The following CNRIP1 variants were observed in gnomAD, a reference collection of about 807,000 sequenced individuals.
CNRIP1 encodes the protein cannabinoid receptor interacting protein 1.
CNRIP1 carries 10 observed loss-of-function variants against 15.2 expected under a neutral mutation model. The observed-to-expected ratio is 0.66, with a 90% CI of 0.41 to 1.12. CNRIP1 has a LOEUF of 1.12. Ranked by LOEUF, CNRIP1 falls within the 50% of genes most tolerant of loss-of-function variation. CNRIP1 has a pLI of 0.00. For missense variants in CNRIP1, 211 were observed against 214.7 expected (o/e 0.98, Z 0.11); for synonymous variants, 91 against 83.2 (o/e 1.09, Z -0.51).
rs1573043693 is a variant in CNRIP1, at chr2:68,319,299, C to T, written c.102G>A (p.Gln34=). 3 of 1,553,432 alleles carry T rather than the reference C, an allele frequency of 1.9e-6. No homozygotes were observed. The African/African-American group carries it at 4.1e-5, about 21-fold the overall frequency. Residue 34 remains glutamine (Q), a synonymous_variant, in exon 1 of 3, where the codon CAG becomes CAA. Transcript: ENST00000263655. ...CGGTGAGCAGCTTGATGGTGCGGTTCTGGCCGAAGCGCTGCCCGTCCACCT... is the reference window on the plus strand; with the variant it reads ...CGGTGAGCAGCTTGATGGTGCGGTTTTGGCCGAAGCGCTGCCCGTCCACCT... ...FYKVDGQRFG[Q]NRTIKLLTGS...
intron 2 of CNRIP1, among the ~76,000 whole-genome samples, chr2:68,313,294 A>G (rs72904262): frequency 0.037 from 5,611 of 152,204 alleles, 366 homozygotes; most frequent in African/African-American, 0.13. Flanking sequence ...AGATAAACAC[A>G]TACTTACCAT....
intron 2 of CNRIP1, among the ~76,000 whole-genome samples, chr2:68,311,078 T>C (rs997290305): frequency 2.0e-5 from 3 of 152,118 alleles, no homozygotes; most frequent in Non-Finnish European, 4.4e-5. Context: ...TATGTTTAGT[T>C]GGGGTCCTAC....
At chr2:68,288,002 AG>A (rs1671072740) in intron 2 of CNRIP1, among the ~76,000 whole-genome samples, 1 of 152,064 alleles carries the variant, frequency 6.6e-6, no homozygotes, top group African/African-American at 2.4e-5. Context: ...TAAAGGGAGC[AG>A]GAGAACTAAC....
chr2:68,295,604 T>C lies in CNRIP1; in HGVS notation c.331-1578A>G, dbSNP rs185086402. On this transcript the variant is annotated intron_variant, in intron 2 of 2. Transcript: ENST00000263655. ...ATGCTGATTCAAGCAGCAACAGGGA[T>C]GGATCTCAAAGACATGCTAAGCAAA... 2.0e-5 allele frequency among the ~76,000 whole-genome samples: 3 copies of C among 152,334 alleles called. No individual in the cohort carries two copies. In the East Asian group the frequency reaches 5.8e-4, roughly 29 times the overall value.
chr2:68,295,464 C>A (rs1671317553), intron 2 of CNRIP1, among the ~76,000 whole-genome samples: 1 of 152,152 alleles, frequency 6.6e-6, no homozygotes, highest in African/African-American at 2.4e-5. Flanking sequence ...AAGCATACAG[C>A]AGCTTTATTC....
chr2:68,317,330 A>C (rs765150489), intron 1 of CNRIP1, 23 bp from the exon 2 acceptor site: 1 of 1,611,586 alleles, frequency 6.2e-7, no homozygotes. Flanking sequence ...TGAGTTGACC[A>C]CATACGGTTG....
At chr2:68,307,864 C>A (rs1414165149) in intron 2 of CNRIP1, among the ~76,000 whole-genome samples, 1 of 152,046 alleles carries the variant, frequency 6.6e-6, no homozygotes, top group Non-Finnish European at 1.5e-5. Context: ...AACAATCTTA[C>A]AATGTTAACA....
rs61586261 is a variant in CNRIP1 at position 68,306,124 on chromosome 2, C to CAAAAAAAAAAAAAAAAAAAAAAAA, written c.330+11009_330+11032dup. 1.6e-3 allele frequency among the ~76,000 whole-genome samples: 40 copies of CAAAAAAAAAAAAAAAAAAAAAAAA among 25,338 alleles called. 3 individuals are homozygous for CAAAAAAAAAAAAAAAAAAAAAAAA. The highest frequency in any genetic ancestry group is 2.0e-3 in the Non-Finnish European group (29 of 14,272). 16.6% of individuals were successfully genotyped at this position (25,338 alleles called of 152,430 possible). A position where few individuals can be genotyped will look rare whatever the true frequency, so the allele number is the denominator to read the frequency against. ...CTGGGCAGCAGAGACCCCACCTCTACAAAAAAAAAAAAAAAAAAAAAAAAA... is the reference window on the plus strand; with the variant it reads ...CTGGGCAGCAGAGACCCCACCTCTACAAAAAAAAAAAAAAAAAAAAAAAAAAAAAAAAAAAAAAAAAAAAAAAAA... On this transcript the variant is annotated intron_variant, in intron 2 of 2. Coordinates refer to ENST00000263655, the MANE Select transcript of CNRIP1 (RefSeq NM_015463.3).
chr2:68,297,487 G>C (rs1293955811), intron 2 of CNRIP1, among the ~76,000 whole-genome samples: 1 of 145,854 alleles, frequency 6.9e-6, no homozygotes, highest in African/African-American at 2.6e-5. Context: ...AGGATCGCTT[G>C]AGCTCAGGAG....
chr2:68,319,380 G>A lies in CNRIP1; in HGVS notation c.21C>T (p.Leu7=), dbSNP rs1455515053. The A allele has an allele frequency of 6.3e-7, 1 of 1,582,994 alleles. No homozygotes were observed. The highest frequency in any genetic ancestry group is 8.6e-7 in the Non-Finnish European group (1 of 1,166,744). Residue 7 remains leucine (L), a synonymous_variant, in exon 1 of 3, where the codon CTC becomes CTT. Transcript: ENST00000263655. The part of the protein sequence containing the change: MGDLPG[L]VRLSIALRIQ... Reference sequence around the variant, plus strand: ...TGCGCAGCGCGATGGAGAGGCGCACGAGGCCCGGCAGGTCCCCCATGTCTG... The same window carrying A: ...TGCGCAGCGCGATGGAGAGGCGCACAAGGCCCGGCAGGTCCCCCATGTCTG...
chr2:68,304,704 TC>T (rs765200357), intron 2 of CNRIP1, among the ~76,000 whole-genome samples: 3 of 151,436 alleles, frequency 2.0e-5, no homozygotes, highest in Non-Finnish European at 4.4e-5. Flanking sequence ...TACTGCAAGC[TC>T]CGCCTCCAAG....
At chr2:68,308,230 A>C (rs77739546) in intron 2 of CNRIP1, among the ~76,000 whole-genome samples, 219 of 147,804 alleles carry the variant, frequency 1.5e-3, no homozygotes, top group African/African-American at 4.2e-3. Context: ...CAAAACAAAA[A>C]AAACCCCCGA....
At chr2:68,305,274 A>ATGTGTGTGTGTGTG (rs10601379) in intron 2 of CNRIP1, among the ~76,000 whole-genome samples, 1,600 of 120,564 alleles carry the variant, frequency 0.013, 24 homozygotes, top group Middle Eastern at 0.037. Context: ...ATATATATAT[A>ATGTGTGTGTGTGTG]TGTGTGTGTG....
At chr2:68,305,244 C>CAG (rs1301087964) in intron 2 of CNRIP1, among the ~76,000 whole-genome samples, 1 of 91,652 alleles carries the variant, frequency 1.1e-5, no homozygotes, top group Non-Finnish European at 2.3e-5. Flanking sequence ...AACTCCGTCT[C>CAG]AAAAAAAAAA....
rs1379851189 is a variant in CNRIP1, at chr2:68,319,473, C to G, written c.-73G>C. 1.4e-6 allele frequency: 2 copies of G among 1,395,804 alleles called. No homozygotes were observed. Among genetic ancestry groups the G allele is most frequent in the East Asian group, 2.7e-5 (1 of 37,376 alleles). 86.5% of individuals were successfully genotyped at this position (1,395,804 alleles called of 1,614,324 possible). A position where few individuals can be genotyped will look rare whatever the true frequency, so the allele number is the denominator to read the frequency against. Reference sequence around the variant, plus strand: ...GCCGGCTGCGGCCGAGTGGCTGGAGCGCGAGGGGCGGAGAGGAAGCGCGGG... The same window carrying G: ...GCCGGCTGCGGCCGAGTGGCTGGAGGGCGAGGGGCGGAGAGGAAGCGCGGG... On this transcript the variant is annotated 5_prime_UTR_variant, in exon 1 of 3. Transcript: ENST00000263655.
intron 2 of CNRIP1, among the ~76,000 whole-genome samples, chr2:68,303,048 T>G (rs13013670): frequency 6.6e-6 from 1 of 151,492 alleles, no homozygotes; most frequent in Non-Finnish European, 1.5e-5. Context: ...GGGGTTTCAC[T>G]GTGTTAGCCA....
intron 2 of CNRIP1, chr2:68,284,601 C>A: frequency 1.8e-6 from 1 of 554,970 alleles, no homozygotes; most frequent in South Asian, 2.5e-5. Flanking sequence ...CTCTTGAGGT[C>A]AGGAGTTCGA....
Position 68,319,775 on chromosome 2 carries a change from A to T in CNRIP1, c.-375T>A, listed in dbSNP as rs1672434012. 1 of 190,346 alleles carries T rather than the reference A, an allele frequency of 5.3e-6. No individual in the cohort carries two copies. The highest frequency in any genetic ancestry group is 1.1e-5 in the Non-Finnish European group (1 of 92,016). 11.8% of individuals were successfully genotyped at this position (190,346 alleles called of 1,614,324 possible). A position where few individuals can be genotyped will look rare whatever the true frequency, so the allele number is the denominator to read the frequency against. On this transcript the variant is annotated 5_prime_UTR_variant, in exon 1 of 3. Coordinates refer to ENST00000263655, the MANE Select transcript of CNRIP1 (RefSeq NM_015463.3). ...GGAGTTAATCCTGTTTACGCACCACAATCCCCTTCAGCTGGGGAAGCGGAC... is the reference window on the plus strand; with the variant it reads ...GGAGTTAATCCTGTTTACGCACCACTATCCCCTTCAGCTGGGGAAGCGGAC...
intron 2 of CNRIP1, among the ~76,000 whole-genome samples, chr2:68,306,391 A>G (rs1671847659): frequency 6.6e-6 from 1 of 152,152 alleles, no homozygotes; most frequent in East Asian, 1.9e-4. Flanking sequence ...GTGTGATCCT[A>G]GACATATCTG....
Sources: allele counts gnomAD v4.1 joint callset (sites outside exome capture counted in the v4.1 genomes callset), GRCh38; gene constraint gnomAD v4.1.1; transcripts MANE v1.5; gene names NCBI Gene and HGNC (gene_info 2026-07-23, HGNC 2026-07-21).